ZNF385D: variants seen among roughly 807,000 people sequenced by gnomAD.
The protein encoded by ZNF385D is zinc finger protein 659.
ZNF385D carries 15 observed loss-of-function variants against 35.8 expected under a neutral mutation model. The ratio of observed to expected loss-of-function variants is 0.42; its 90% CI spans 0.28 to 0.64. ZNF385D has a LOEUF of 0.64. ZNF385D is among the 30% of genes least tolerant of loss of function. ZNF385D has a pLI of 0.23. For missense variants in ZNF385D, 474 were observed against 494.6 expected (o/e 0.96, Z 0.39); for synonymous variants, 212 against 186.8 (o/e 1.13, Z -1.10).
At chr3:22,298,773 G>A (rs1002436825) in intron 2 of ZNF385D, among the ~76,000 whole-genome samples, 1 of 149,586 alleles carries the variant, frequency 6.7e-6, no homozygotes, top group African/African-American at 2.4e-5. Context: ...CCATTAAAAT[G>A]ATAAAAAACA....
intron 4 of ZNF385D, among the ~76,000 whole-genome samples, chr3:21,494,578 C>CT (rs1224766553): frequency 1.3e-5 from 2 of 152,170 alleles, no homozygotes; most frequent in Non-Finnish European, 2.9e-5. Context: ...CAAACTCTAG[C>CT]TCCACTTCTT....
chr3:21,941,003 C>T (rs779211740), intron 3 of ZNF385D, among the ~76,000 whole-genome samples: 3 of 151,982 alleles, frequency 2.0e-5, no homozygotes, highest in Non-Finnish European at 4.4e-5. Flanking sequence ...TGTTTGAAAC[C>T]GATAACTAAT....
chr3:21,870,528 A>G (rs190324153), intron 3 of ZNF385D, among the ~76,000 whole-genome samples: 25 of 152,306 alleles, frequency 1.6e-4, no homozygotes, highest in Admixed American at 1.6e-3. Context: ...ATTACAATGT[A>G]TCTGATCTCT....
At chr3:22,317,112 T>A (rs1487369905) in intron 2 of ZNF385D, among the ~76,000 whole-genome samples, 1 of 151,436 alleles carries the variant, frequency 6.6e-6, no homozygotes, top group African/African-American at 2.4e-5. Context: ...ACCCCTTCTC[T>A]ACTAAAAATA....
intron 3 of ZNF385D, among the ~76,000 whole-genome samples, chr3:22,120,877 A>T (rs1001894788): frequency 6.6e-6 from 1 of 152,192 alleles, no homozygotes; most frequent in Non-Finnish European, 1.5e-5. Flanking sequence ...AATATTAAAA[A>T]CAATGACTTT....
intron 1 of ZNF385D, among the ~76,000 whole-genome samples, chr3:21,720,469 A>C (rs2068495345): frequency 6.6e-6 from 1 of 152,200 alleles, no homozygotes; most frequent in African/African-American, 2.4e-5. Flanking sequence ...TGGGAAGATC[A>C]CTTGAGCTCA....
At chr3:22,277,300 G>C (rs1270883227) in intron 2 of ZNF385D, among the ~76,000 whole-genome samples, 1 of 152,102 alleles carries the variant, frequency 6.6e-6, no homozygotes, top group Non-Finnish European at 1.5e-5. Flanking sequence ...GGGGATTCAA[G>C]TAGCTTTGAG....
chr3:22,237,445 C>T (rs781545683), intron 2 of ZNF385D, among the ~76,000 whole-genome samples: 4 of 151,956 alleles, frequency 2.6e-5, no homozygotes, highest in Admixed American at 6.6e-5. Context: ...AATATTTTCT[C>T]CCATTTTATA....
intron 3 of ZNF385D, among the ~76,000 whole-genome samples, chr3:21,853,434 G>A (rs559997143): frequency 1.3e-5 from 2 of 151,064 alleles, no homozygotes; most frequent in African/African-American, 4.8e-5. Flanking sequence ...TGGTGATCAA[G>A]GTCATTACAA....
Position 21,780,426 on chromosome 3 carries a change from C to T in ZNF385D, c.326-115398G>A, listed in dbSNP as rs113195744. 2.4e-3 allele frequency among the ~76,000 whole-genome samples: 367 copies of T among 152,062 alleles called. 2 individuals carry two copies. Among genetic ancestry groups the T allele is most frequent in the African/African-American group, 8.4e-3 (348 of 41,512 alleles). ...TCCTCACCTACTTTTGTTTCTACTGCGCAGCCCTCACGTTCTTTCTCAATA... is the reference window on the plus strand; with the variant it reads ...TCCTCACCTACTTTTGTTTCTACTGTGCAGCCCTCACGTTCTTTCTCAATA... On this transcript the variant is annotated intron_variant, in intron 3 of 5. Transcript: ENST00000494108.
chr3:22,234,845 A>T (rs1699088257), intron 2 of ZNF385D, among the ~76,000 whole-genome samples: 1 of 152,098 alleles, frequency 6.6e-6, no homozygotes, highest in South Asian at 2.1e-4. Context: ...AAAATATTGC[A>T]TCTGAATAGT....
intron 3 of ZNF385D, among the ~76,000 whole-genome samples, chr3:21,950,903 G>C (rs1417836447): frequency 2.0e-5 from 3 of 151,490 alleles, no homozygotes; most frequent in Non-Finnish European, 4.4e-5. Flanking sequence ...CCATTGGTCT[G>C]TATATCTGTT....
chr3:21,544,259 TG>T (rs934396121), intron 3 of ZNF385D, among the ~76,000 whole-genome samples: 2 of 152,316 alleles, frequency 1.3e-5, no homozygotes, highest in African/African-American at 4.8e-5. Flanking sequence ...TGGTAAGGCC[TG>T]GGGACATATG....
chr3:22,108,059 A>C (rs534873311), intron 3 of ZNF385D, among the ~76,000 whole-genome samples: 1 of 151,732 alleles, frequency 6.6e-6, no homozygotes, highest in South Asian at 2.1e-4. Context: ...CAGTGTATTG[A>C]TCTTACACCC....
chr3:22,089,841 A>T (rs746935701), intron 3 of ZNF385D, among the ~76,000 whole-genome samples: 1 of 151,820 alleles, frequency 6.6e-6, no homozygotes, highest in Non-Finnish European at 1.5e-5. Context: ...ACAATTTTTT[A>T]TTTTATTTTA....
chr3:22,332,596 T>A (rs1227093692), intron 2 of ZNF385D, among the ~76,000 whole-genome samples: 2 of 151,820 alleles, frequency 1.3e-5, no homozygotes, highest in East Asian at 1.9e-4. Flanking sequence ...AAACAAAAAA[T>A]TCAGTAAGAT....
chr3:22,089,372 G>T (rs1019565263), intron 3 of ZNF385D, among the ~76,000 whole-genome samples: 1 of 152,154 alleles, frequency 6.6e-6, no homozygotes, highest in Non-Finnish European at 1.5e-5. Context: ...AATAATGTTG[G>T]TAGATATTAA....
intron 3 of ZNF385D, among the ~76,000 whole-genome samples, chr3:22,164,126 G>T (rs183599799): frequency 6.6e-6 from 1 of 150,756 alleles, no homozygotes; most frequent in African/African-American, 2.4e-5. Flanking sequence ...GCACTAATTC[G>T]CTTGTGAAAT....
intron 2 of ZNF385D, among the ~76,000 whole-genome samples, chr3:22,292,915 T>G (rs187009379): frequency 1.8e-4 from 27 of 152,236 alleles, no homozygotes; most frequent in African/African-American, 6.5e-4. Flanking sequence ...CATATTTCTA[T>G]TGTCCCATCC....
Sources: allele counts gnomAD v4.1 joint callset (sites outside exome capture counted in the v4.1 genomes callset), GRCh38; gene constraint gnomAD v4.1.1; transcripts MANE v1.5; gene names NCBI Gene and HGNC (gene_info 2026-07-23, HGNC 2026-07-21).